The following XCR1 variants were observed in gnomAD, a reference collection of about 807,000 sequenced individuals.
The protein encoded by XCR1 is chemokine XC receptor 1.
For missense variants in XCR1, 356 were observed against 424.2 expected (o/e 0.84, Z 1.41); for synonymous variants, 187 against 188.5 (o/e 0.99, Z 0.06).
chr3:46,021,772 T>A lies in XCR1; in HGVS notation c.176A>T (p.Tyr59Phe). Residue 59 changes from tyrosine to phenylalanine, a missense_variant, in exon 2 of 2, where the codon TAT becomes TTT. Coordinates refer to ENST00000309285, the MANE Select transcript of XCR1 (RefSeq NM_001024644.2). This position sits in a 1 kb window ranked among gnomAD's most constrained non-coding sequence, Gnocchi z 4.7. ...GTTGGTGAGGGACTCCAGGCTCTCA[T>A]ACTTCACCAGGACCCACAGGACCAG... ...NSLVLWVLVK[Y>F]ESLESLTNIF... The A allele has an allele frequency of 1.9e-6, 3 of 1,614,022 alleles. No individual in the cohort carries two copies. The highest frequency in any genetic ancestry group is 2.5e-6 in the Non-Finnish European group (3 of 1,180,014).
Position 46,020,722 on chromosome 3 carries a change from T to G in XCR1, c.*224A>C. On this transcript the variant is annotated 3_prime_UTR_variant, in exon 2 of 2. Transcript: ENST00000309285. The stretch of plus-strand genomic sequence containing the variant: ...ATGAACTCAGAGTTCAAGAAATGTT[T>G]TTTTGGATGGCAGTATAAAATTCCC... 1.7e-6 allele frequency: 1 copy of G among 591,862 alleles called. No individual in the cohort carries two copies. Among genetic ancestry groups the G allele is most frequent in the Non-Finnish European group, 2.9e-6 (1 of 342,106 alleles). The allele number at this position is 591,862 out of a possible 1,614,324, so 36.7% of individuals were successfully genotyped here. A position where few individuals can be genotyped will look rare whatever the true frequency, so the allele number is the denominator to read the frequency against.
chr3:46,023,272 C>T, intron 1 of XCR1: 2 of 706,292 alleles, frequency 2.8e-6, no homozygotes, highest in Non-Finnish European at 2.5e-6. Flanking sequence ...CCCACCGCTC[C>T]CCTTCCTAAG....
At chr3:46,051,894 C>T (rs983760249) in intron 5 of XCR1, among the ~76,000 whole-genome samples, 6 of 152,052 alleles carry the variant, frequency 3.9e-5, no homozygotes, top group Admixed American at 6.6e-5. Context: ...GGTGTGGTGG[C>T]GGGCGCCTGT....
intron 4 of XCR1, among the ~76,000 whole-genome samples, chr3:46,065,215 T>C (rs1486747043): frequency 1.3e-5 from 2 of 152,224 alleles, no homozygotes; most frequent in African/African-American, 4.8e-5. Context: ...CTCTACATTT[T>C]GGGGCACTTT....
intron 5 of XCR1, among the ~76,000 whole-genome samples, chr3:46,049,334 G>A (rs971055054): frequency 1.3e-5 from 2 of 152,152 alleles, no homozygotes; most frequent in African/African-American, 4.8e-5. Context: ...AAGTATTTTG[G>A]TGCAGAAGCG....
chr3:46,036,166 G>A (rs1194728232), intron 5 of XCR1, among the ~76,000 whole-genome samples: 1 of 152,214 alleles, frequency 6.6e-6, no homozygotes. Context: ...GTGGGATGGA[G>A]TTTCCTGTAT....
At chr3:46,047,169 G>A (rs1405371175) in intron 5 of XCR1, among the ~76,000 whole-genome samples, 1 of 152,198 alleles carries the variant, frequency 6.6e-6, no homozygotes. Flanking sequence ...ATTATGCAAA[G>A]CTACAGAAGA....
At chr3:46,035,847 G>A (rs1292878106) in intron 5 of XCR1, among the ~76,000 whole-genome samples, 1 of 152,128 alleles carries the variant, frequency 6.6e-6, no homozygotes, top group African/African-American at 2.4e-5. Flanking sequence ...GTAATTGTTT[G>A]TGTGTGTGTC....
In XCR1 at chr3:46,026,732, G is replaced by A. The variant is rs541969523; in HGVS notation, c.-32+685C>T. Among the ~76,000 whole-genome samples, 67 of 151,648 alleles carry A rather than the reference G, an allele frequency of 4.4e-4. 1 individual carries two copies. Among genetic ancestry groups the A allele is most frequent in the African/African-American group, 1.3e-3 (55 of 41,336 alleles). ...CAAGTAGCTAGGACTACAGGTGCCCGTCACCACACCTGGCTATTTTTTTGT... is the reference window on the plus strand; with the variant it reads ...CAAGTAGCTAGGACTACAGGTGCCCATCACCACACCTGGCTATTTTTTTGT... On this transcript the variant is annotated intron_variant, in intron 1 of 1. Transcript: ENST00000309285.
chr3:46,037,923 G>C (rs2125896938), intron 5 of XCR1, among the ~76,000 whole-genome samples: 2 of 152,196 alleles, frequency 1.3e-5, no homozygotes, highest in South Asian at 4.2e-4. Context: ...CATGTACCTA[G>C]ATGAATTTCT....
chr3:46,046,851 GT>G (rs1216165063), intron 5 of XCR1, among the ~76,000 whole-genome samples: 3 of 152,170 alleles, frequency 2.0e-5, no homozygotes, highest in Non-Finnish European at 4.4e-5. Flanking sequence ...CAAGAATTTT[GT>G]TTTATAATTC....
At chr3:46,050,177 C>A (rs1697713590) in intron 5 of XCR1, among the ~76,000 whole-genome samples, 1 of 152,140 alleles carries the variant, frequency 6.6e-6, no homozygotes, top group Non-Finnish European at 1.5e-5. Flanking sequence ...TGAGGCATGT[C>A]TCTGCTGTGA....
chr3:46,060,344 C>T (rs566710871), intron 4 of XCR1, among the ~76,000 whole-genome samples: 2 of 152,278 alleles, frequency 1.3e-5, no homozygotes, highest in East Asian at 3.9e-4. Flanking sequence ...TCTCCATTGA[C>T]TTTAATCACA....
At chr3:46,078,362 T>C (rs1173987353) in intron 1 of XCR1, among the ~76,000 whole-genome samples, 1 of 152,156 alleles carries the variant, frequency 6.6e-6, no homozygotes, top group African/African-American at 2.4e-5. Context: ...ATTCTGACTT[T>C]GAGAGAAATT....
intron 2 of XCR1, among the ~76,000 whole-genome samples, chr3:46,076,505 G>A (rs1226246813): frequency 6.6e-6 from 1 of 151,058 alleles, no homozygotes; most frequent in African/African-American, 2.4e-5. Context: ...TTGCAGAGTT[G>A]AGTGCTTTAG....
intron 4 of XCR1, among the ~76,000 whole-genome samples, chr3:46,056,548 G>A (rs61686943): frequency 0.12 from 17,802 of 151,926 alleles, 3,502 homozygotes; most frequent in African/African-American, 0.41. Context: ...ATCACAGCTC[G>A]CTGCAGCCTC....
rs1218736580 is a variant in XCR1 at position 46,057,948 on chromosome 3, C to CCA, written c.-182-3879_-182-3878insTG. On this transcript the variant is annotated intron_variant, in intron 4 of 5. Transcript: ENST00000683768. ...TCTATCTATCTACGCATCCATCTATCTATCTATCTGCCATCTATGTATCTA... is the reference window on the plus strand; with the variant it reads ...TCTATCTATCTACGCATCCATCTATCCATATCTATCTGCCATCTATGTATCTA... 7.7e-4 allele frequency among the ~76,000 whole-genome samples: 117 copies of CCA among 151,944 alleles called. 2 individuals are homozygous for CCA. The highest frequency in any genetic ancestry group is 7.1e-3 in the Admixed American group (107 of 15,084).
chr3:46,049,836 G>A (rs1474751465), intron 5 of XCR1, among the ~76,000 whole-genome samples: 1 of 152,130 alleles, frequency 6.6e-6, no homozygotes, highest in Non-Finnish European at 1.5e-5. Context: ...TTGTCTGAAG[G>A]GTAGTGGTTA....
chr3:46,049,718 T>C (rs1030098703), intron 5 of XCR1, among the ~76,000 whole-genome samples: 2 of 152,222 alleles, frequency 1.3e-5, no homozygotes, highest in African/African-American at 4.8e-5. Flanking sequence ...GCATGACCTT[T>C]GGAAGAACCA....
Sources: gnomAD v4.1 joint callset for allele counts (sites outside exome capture counted in the v4.1 genomes callset) on GRCh38, gnomAD v4.1.1 for gene constraint, Gnocchi (gnomAD v3.1) non-coding constraint, MANE v1.5 for transcripts, NCBI Gene and HGNC (gene_info 2026-07-23, HGNC 2026-07-21) for gene names.